CR1: variants seen among roughly 807,000 people sequenced by gnomAD.
CR1 encodes complement C3b/C4b receptor 1 (Knops blood group).
CR1 carries 116 observed loss-of-function variants against 187.3 expected under a neutral mutation model. The observed-to-expected ratio is 0.62, with a 90% CI of 0.53 to 0.72. The LOEUF is 0.72. Ranked by LOEUF, CR1 falls within the 30% of genes least tolerant of loss-of-function variation. CR1 has a pLI of 0.00. For missense variants in CR1, 1,731 were observed against 2,110.7 expected (o/e 0.82, Z 3.52); for synonymous variants, 576 against 747.1 (o/e 0.77, Z 3.73).
chr1:207,598,571 C>T (rs1661515163), intron 35 of CR1, among the ~76,000 whole-genome samples: 1 of 152,096 alleles, frequency 6.6e-6, no homozygotes, highest in South Asian at 2.1e-4. Context: ...AGGCATGCGC[C>T]ACCACGCTGA....
intron 43 of CR1, among the ~76,000 whole-genome samples, chr1:207,621,223 C>T (rs945942138): frequency 2.0e-5 from 3 of 151,594 alleles, no homozygotes; most frequent in Non-Finnish European, 4.4e-5. Flanking sequence ...TACAGTGAGC[C>T]GAGATCGCTC....
chr1:207,577,029 T>C (rs183941198), intron 28 of CR1, among the ~76,000 whole-genome samples: 95 of 152,236 alleles, frequency 6.2e-4, no homozygotes, highest in African/African-American at 2.2e-3. Flanking sequence ...GGTGGGCAGA[T>C]CACTTGAGGT....
At chr1:207,610,997 C>A (rs529784651) in intron 37 of CR1, among the ~76,000 whole-genome samples, 2 of 152,100 alleles carry the variant, frequency 1.3e-5, no homozygotes, top group African/African-American at 4.8e-5. Flanking sequence ...CTATAGTCAC[C>A]CTGTCATGCT....
chr1:207,579,515 CA>C (rs1660872431), intron 29 of CR1, among the ~76,000 whole-genome samples: 1 of 152,176 alleles, frequency 6.6e-6, no homozygotes, highest in Non-Finnish European at 1.5e-5. Flanking sequence ...GCGATGAAAG[CA>C]ATTGCTAGCT....
chr1:207,566,551 A>G (rs1182046050), intron 24 of CR1, among the ~76,000 whole-genome samples: 3 of 150,242 alleles, frequency 2.0e-5, no homozygotes, highest in Admixed American at 6.6e-5. Context: ...AATAAATTCA[A>G]TGCTATGAGA....
At chr1:207,496,942 C>T (rs1334995720) in intron 1 of CR1, among the ~76,000 whole-genome samples, 2 of 152,170 alleles carry the variant, frequency 1.3e-5, no homozygotes, top group African/African-American at 2.4e-5. Flanking sequence ...TTCTATCCCC[C>T]AACCGTTACC....
intron 35 of CR1, among the ~76,000 whole-genome samples, chr1:207,591,806 A>G (rs1292623963): frequency 6.6e-6 from 1 of 152,230 alleles, no homozygotes; most frequent in African/African-American, 2.4e-5. Flanking sequence ...ATCAGAGAAT[A>G]CTATAAACAC....
At chr1:207,521,807 AATATAT>A (rs3991753) in intron 4 of CR1, among the ~76,000 whole-genome samples, 2 of 132,858 alleles carry the variant, frequency 1.5e-5, no homozygotes, top group South Asian at 2.5e-4. Context: ...ACATCTGGAT[AATATAT>A]ATATATATAT....
intron 45 of CR1, among the ~76,000 whole-genome samples, chr1:207,629,259 T>C (rs1023685002): frequency 3.3e-5 from 5 of 152,132 alleles, no homozygotes; most frequent in African/African-American, 1.2e-4. Context: ...AATGATAAAA[T>C]ACTTAAGGCC....
At chr1:207,596,715 A>T (rs1661454713) in intron 35 of CR1, among the ~76,000 whole-genome samples, 1 of 150,034 alleles carries the variant, frequency 6.7e-6, no homozygotes, top group South Asian at 2.1e-4. Flanking sequence ...GGGCTTGATG[A>T]TGTTCAAGCA....
chr1:207,607,269 C>A lies in CR1; in HGVS notation c.5829C>A (p.Ser1943=). Reference sequence around the variant, plus strand: ...GCTTTAGGTTTCGACTCATTGGTTCCCCATCTACTACTTGTCTCGTCTCAG... The same window carrying A: ...GCTTTAGGTTTCGACTCATTGGTTCACCATCTACTACTTGTCTCGTCTCAG... The part of the protein sequence containing the change: ...SCNEGFRLIG[S]PSTTCLVSGN... The change falls in exon 36 of 47, where the codon TCC becomes TCA. Residue 1943 remains serine (S), a synonymous_variant. Coordinates refer to ENST00000367049, the MANE Select transcript of CR1 (RefSeq NM_000651.6). 1 of 1,613,394 alleles carries A rather than the reference C, an allele frequency of 6.2e-7. No individual in the cohort carries two copies. The highest frequency in any genetic ancestry group is 8.5e-7 in the Non-Finnish European group (1 of 1,179,432).
intron 24 of CR1, 45 bp from the exon 25 acceptor site, chr1:207,567,779 G>T: frequency 6.2e-7 from 1 of 1,609,978 alleles, no homozygotes; most frequent in Non-Finnish European, 8.5e-7. Flanking sequence ...GAATACCTCT[G>T]GTGAAACTCC....
chr1:207,523,336 A>G (rs1040333112), intron 4 of CR1, among the ~76,000 whole-genome samples: 4 of 152,250 alleles, frequency 2.6e-5, no homozygotes, highest in Admixed American at 2.6e-4. Context: ...TATAAATACT[A>G]TAACACTATG....
chr1:207,520,869 A>G (rs1659953873), intron 4 of CR1, among the ~76,000 whole-genome samples: 1 of 147,586 alleles, frequency 6.8e-6, no homozygotes, highest in South Asian at 2.1e-4. Flanking sequence ...TTTAAAATGG[A>G]TTACACTTTA....
At position 207,630,580 on chromosome 1, in the gene CR1, C is replaced by T. The variant is rs750290552; in HGVS notation, c.7416C>T (p.Ser2472=). 1.4e-5 allele frequency: 22 copies of T among 1,610,700 alleles called. No homozygotes were observed. Among genetic ancestry groups the T allele is most frequent in the African/African-American group, 5.3e-5 (4 of 74,834 alleles). Residue 2472 remains serine, a synonymous_variant, in exon 46 of 47, where the codon AGC becomes AGT. Transcript: ENST00000367049. The part of the protein sequence containing the change: ...AIHLHSQGGS[S]VHPRTLQTNE... ...ATTTACATTCTCAAGGAGGCAGCAG[C>T]GTTCATCCCCGAACTCTGCAAACAA...
intron 1 of CR1, among the ~76,000 whole-genome samples, chr1:207,503,460 T>C (rs77869629): frequency 0.069 from 10,549 of 152,276 alleles, 1,223 homozygotes; most frequent in African/African-American, 0.24. Context: ...GTGTTCCTTG[T>C]GGAGGCTCCA....
intron 35 of CR1, among the ~76,000 whole-genome samples, chr1:207,593,082 T>TAAAAAAAAAA (rs778842599): frequency 3.3e-5 from 2 of 59,932 alleles, no homozygotes; most frequent in African/African-American, 4.5e-4. Flanking sequence ...TTCACAGAAT[T>TAAAAAAAAAA]ACAAAAAAAA....
At chr1:207,605,411 A>G (rs1362209866) in intron 35 of CR1, among the ~76,000 whole-genome samples, 1 of 151,950 alleles carries the variant, frequency 6.6e-6, no homozygotes, top group East Asian at 1.9e-4. Flanking sequence ...AATTAGCTTA[A>G]TTTAATCATT....
intron 35 of CR1, among the ~76,000 whole-genome samples, chr1:207,604,197 G>A (rs970014875): frequency 3.3e-5 from 5 of 151,944 alleles, no homozygotes; most frequent in East Asian, 3.8e-4. Flanking sequence ...TCCATTTTTC[G>A]TTTGTAAATT....
Sources: gnomAD v4.1 joint callset for allele counts (sites outside exome capture counted in the v4.1 genomes callset) on GRCh38, gnomAD v4.1.1 for gene constraint, MANE v1.5 for transcripts, NCBI Gene and HGNC (gene_info 2026-07-23, HGNC 2026-07-21) for gene names.